TCERG1L: variants seen among roughly 807,000 people sequenced by gnomAD.
The protein encoded by TCERG1L is transcription elongation regulator 1 like.
A neutral mutation model predicts 56.3 loss-of-function variants in TCERG1L; 37 were observed. That is an observed-to-expected ratio of 0.66 (90% CI 0.51 to 0.87). The LOEUF is 0.87. Ranked by LOEUF, TCERG1L falls within the 40% of genes least tolerant of loss-of-function variation. The pLI, the probability that TCERG1L is intolerant of heterozygous loss-of-function variation, is 0.00. For synonymous variants in TCERG1L, 324 were observed against 326.3 expected (o/e 0.99, Z 0.08); for missense variants, 799 against 774.2 (o/e 1.03, Z -0.38).
chr10:131,298,783 G>A (rs943088201), intron 3 of TCERG1L, among the ~76,000 whole-genome samples: 1 of 152,202 alleles, frequency 6.6e-6, no homozygotes, highest in African/African-American at 2.4e-5. Context: ...AATGTTTCCT[G>A]TGCAGATAAA....
In TCERG1L at chr10:131,123,031, C is replaced by T. The variant is rs149429847; in HGVS notation, c.1260-6097G>A. ...CCTCGTTTCTCTGAGCCTCCTAGGT[C>T]GTTCATCTATTATAGAACCCACCGG... On this transcript the variant is annotated intron_variant, in intron 8 of 11. Coordinates refer to ENST00000368642, the MANE Select transcript of TCERG1L (RefSeq NM_174937.4). Among the ~76,000 whole-genome samples, 502 of 152,220 alleles carry T rather than the reference C, an allele frequency of 3.3e-3. 2 individuals are homozygous for T. Among genetic ancestry groups the T allele is most frequent in the African/African-American group, 0.012 (486 of 41,542 alleles).
At chr10:131,237,298 C>A (rs186560366) in intron 4 of TCERG1L, among the ~76,000 whole-genome samples, 1 of 152,172 alleles carries the variant, frequency 6.6e-6, no homozygotes, top group African/African-American at 2.4e-5. Flanking sequence ...CCCCTCCCTC[C>A]CCTGCTCTGT....
At chr10:131,108,732 TG>T (rs1204260469) in intron 9 of TCERG1L, among the ~76,000 whole-genome samples, 3 of 152,174 alleles carry the variant, frequency 2.0e-5, no homozygotes, top group African/African-American at 7.2e-5. Context: ...CAGATCCCAC[TG>T]GGCTGAGATG....
chr10:131,165,264 C>G (rs771378712), intron 5 of TCERG1L, among the ~76,000 whole-genome samples: 5 of 152,106 alleles, frequency 3.3e-5, no homozygotes, highest in African/African-American at 4.8e-5. Context: ...AAGCACTCAG[C>G]CAGAAGCATC....
intron 4 of TCERG1L, among the ~76,000 whole-genome samples, chr10:131,221,384 C>T (rs1350635878): frequency 6.6e-6 from 1 of 152,194 alleles, no homozygotes; most frequent in Non-Finnish European, 1.5e-5. Flanking sequence ...CAAAAAAGTG[C>T]CCAGTGGGAG....
intron 4 of TCERG1L, among the ~76,000 whole-genome samples, chr10:131,203,428 G>C (rs1452104017): frequency 7.2e-5 from 11 of 152,056 alleles, no homozygotes; most frequent in Admixed American, 7.2e-4. Context: ...AGACCTCTTT[G>C]ACCAGACAGC....
chr10:131,235,861 A>C (rs1164359925), intron 4 of TCERG1L, among the ~76,000 whole-genome samples: 1 of 152,218 alleles, frequency 6.6e-6, no homozygotes, highest in African/African-American at 2.4e-5. Context: ...AAATCTTATA[A>C]AACGAAAATG....
At chr10:131,278,850 G>A (rs955876134) in intron 3 of TCERG1L, among the ~76,000 whole-genome samples, 1 of 152,146 alleles carries the variant, frequency 6.6e-6, no homozygotes, top group Non-Finnish European at 1.5e-5. Context: ...GAGCTCTCCT[G>A]GGCTCATGGG....
rs1056542305 is a variant in TCERG1L, at chr10:131,104,181, C to G, written c.1485+84G>C. On this transcript the variant is annotated intron_variant, in intron 10 of 11. Coordinates refer to ENST00000368642, the MANE Select transcript of TCERG1L (RefSeq NM_174937.4). ...TACAACATGGGTGTCTGTTATTGAG[C>G]AATGAAAAGCTCCCCAGATCCAGGA... The G allele has an allele frequency of 8.2e-6, 8 of 971,272 alleles. No homozygotes were observed. In the African/African-American group the frequency reaches 1.3e-4, roughly 16 times the overall value. The allele number at this position is 971,272 out of a possible 1,614,324, so 60.2% of individuals were successfully genotyped here.
rs1473245881 is a variant in TCERG1L, at chr10:131,103,009, C to T, written c.1485+1256G>A. Among the ~76,000 whole-genome samples the T allele has an allele frequency of 6.6e-6, 1 of 151,910 alleles. No individual in the cohort carries two copies. The highest frequency in any genetic ancestry group is 2.0e-4 in the East Asian group (1 of 5,122). On this transcript the variant is annotated intron_variant, in intron 10 of 11. Coordinates refer to ENST00000368642, the MANE Select transcript of TCERG1L (RefSeq NM_174937.4). This position sits in a 1 kb window ranked among gnomAD's most constrained non-coding sequence, Gnocchi z 4.3. Reference sequence around the variant, plus strand: ...TCCTTAAAATAGTCCCCGGAGAACCCCCTCTAATCAATTCCGTGTTTTCTG... The same window carrying T: ...TCCTTAAAATAGTCCCCGGAGAACCTCCTCTAATCAATTCCGTGTTTTCTG...
intron 9 of TCERG1L, among the ~76,000 whole-genome samples, chr10:131,106,454 G>A (rs1283885971): frequency 6.6e-6 from 1 of 152,192 alleles, no homozygotes; most frequent in Non-Finnish European, 1.5e-5. Flanking sequence ...GGTATTCCAG[G>A]ACCAGCTGGT....
At chr10:131,110,650 C>T (rs1408472801) in intron 9 of TCERG1L, among the ~76,000 whole-genome samples, 4 of 152,150 alleles carry the variant, frequency 2.6e-5, no homozygotes, top group Non-Finnish European at 5.9e-5. Context: ...AGACCTTGGG[C>T]ATGAAGAAAA....
At chr10:131,208,982 C>T (rs1056597190) in intron 4 of TCERG1L, among the ~76,000 whole-genome samples, 14 of 147,004 alleles carry the variant, frequency 9.5e-5, no homozygotes, top group Non-Finnish European at 1.9e-4. Context: ...GGCGTGAACC[C>T]GGGAGGTGGA....
chr10:131,234,881 TTTAGTAGA>T (rs528366882), intron 4 of TCERG1L, among the ~76,000 whole-genome samples: 6 of 152,174 alleles, frequency 3.9e-5, no homozygotes, highest in Admixed American at 2.6e-4. Context: ...TTTTTGTATT[TTTAGTAGA>T]GAAAGGGTTT....
At chr10:131,158,131 G>A (rs909544468) in intron 6 of TCERG1L, among the ~76,000 whole-genome samples, 3 of 152,238 alleles carry the variant, frequency 2.0e-5, no homozygotes, top group Non-Finnish European at 2.9e-5. Flanking sequence ...TAAGGATGCC[G>A]CCCGTCCGCT....
Position 131,098,368 on chromosome 10 carries a change from A to T in TCERG1L, c.1542T>A (p.Ser514Arg). The T allele has an allele frequency of 6.4e-7, 1 of 1,552,732 alleles. No individual in the cohort carries two copies. Among genetic ancestry groups the T allele is most frequent in the Non-Finnish European group, 8.7e-7 (1 of 1,147,522 alleles). ...RIKEEYKEKK[S>R]KLLLAKEEFK... ...ATTCTTCTTTGGCTAGCAGCAATTT[A>T]CTTTTCTTTTCCTTGTATTCTTCTT... The change falls in exon 11 of 12, where the codon AGT becomes AGA. Residue 514 changes from serine to arginine, a missense_variant. Physicochemically the swap from Ser to Arg is moderately radical, Grantham distance 110 (BLOSUM62 -1). Coordinates refer to ENST00000368642, the MANE Select transcript of TCERG1L (RefSeq NM_174937.4).
At chr10:131,288,686 G>C (rs1846573772) in intron 3 of TCERG1L, among the ~76,000 whole-genome samples, 1 of 152,194 alleles carries the variant, frequency 6.6e-6, no homozygotes, top group Non-Finnish European at 1.5e-5. Context: ...GGATGAGAGA[G>C]GGCCTTACAT....
chr10:131,175,284 T>C (rs1405094791), intron 4 of TCERG1L, among the ~76,000 whole-genome samples: 1 of 152,200 alleles, frequency 6.6e-6, no homozygotes, highest in Admixed American at 6.5e-5. Context: ...AGCAACCTGG[T>C]TGTCAGCAAA....
chr10:131,278,850 G>C (rs955876134), intron 3 of TCERG1L, among the ~76,000 whole-genome samples: 2 of 152,146 alleles, frequency 1.3e-5, no homozygotes, highest in African/African-American at 4.8e-5. Flanking sequence ...GAGCTCTCCT[G>C]GGCTCATGGG....
Sources: allele counts gnomAD v4.1 joint callset (sites outside exome capture counted in the v4.1 genomes callset), GRCh38; gene constraint gnomAD v4.1.1; non-coding constraint Gnocchi (gnomAD v3.1); transcripts MANE v1.5; gene names NCBI Gene and HGNC (gene_info 2026-07-23, HGNC 2026-07-21).